The following ST7 variants were observed in gnomAD, a reference collection of about 807,000 sequenced individuals.
ST7 encodes suppressor of tumorigenicity 7 protein.
Under a neutral mutation model 78.7 loss-of-function variants are expected in ST7, and 28 were observed. The observed-to-expected ratio is 0.36, with a 90% CI of 0.26 to 0.49. ST7 has a LOEUF of 0.49. ST7 is among the 20% of genes least tolerant of loss of function. The pLI is 0.99. For synonymous variants in ST7, 247 were observed against 249.6 expected, an observed-to-expected ratio of 0.99 and a Z score of 0.10; for missense variants, 418 against 696.0, an observed-to-expected ratio of 0.60 and a Z score of 4.49.
chr7:117,020,589 G>A, intron 1 of ST7: 1 of 1,546,780 alleles, frequency 6.5e-7, no homozygotes, highest in Non-Finnish European at 8.7e-7. Flanking sequence ...TTTTTAAAAA[G>A]CAGCCTCTGG....
At chr7:117,016,096 A>G (rs1351587885) in intron 1 of ST7, among the ~76,000 whole-genome samples, 1 of 152,198 alleles carries the variant, frequency 6.6e-6, no homozygotes, top group Non-Finnish European at 1.5e-5. Flanking sequence ...TTGAAGATAA[A>G]ACATTTTAAA....
intron 1 of ST7, chr7:117,072,121 A>T (rs1799004298): frequency 6.6e-6 from 1 of 152,246 alleles, no homozygotes; most frequent in African/African-American, 2.4e-5. Flanking sequence ...TTTCAACTTC[A>T]CATTTCCTAG....
chr7:117,006,719 G>T (rs1197499293), intron 1 of ST7, among the ~76,000 whole-genome samples: 1 of 152,130 alleles, frequency 6.6e-6, no homozygotes. Context: ...AAGGTTTGTG[G>T]CAACCCTGCA....
intron 15 of ST7, chr7:117,222,896 C>T: frequency 6.2e-7 from 1 of 1,614,130 alleles, no homozygotes; most frequent in South Asian, 1.1e-5. Context: ...AGTTCAGGGA[C>T]TGGAATTGCA....
chr7:117,180,374 G>A (rs1327946886), intron 10 of ST7, among the ~76,000 whole-genome samples: 1 of 152,188 alleles, frequency 6.6e-6, no homozygotes, highest in Non-Finnish European at 1.5e-5. Flanking sequence ...TAGAGGACAT[G>A]ATGCGAATGC....
chr7:117,124,272 A>C (rs1309309939), intron 3 of ST7, among the ~76,000 whole-genome samples: 1 of 152,114 alleles, frequency 6.6e-6, no homozygotes, highest in Non-Finnish European at 1.5e-5. Context: ...AGTGTCTGCT[A>C]TCAGCTTTAT....
At position 116,998,824 on chromosome 7, in the gene ST7, G is replaced by A. The variant is rs866683749; in HGVS notation, c.151+45133G>A. ...AGGGAGCTGTGATAGAGAATAATGG[G>A]CATATATTGAACTTAAGTGGTCAGG... On this transcript the variant is annotated intron_variant, in intron 1 of 15. Coordinates refer to ENST00000323984, the MANE Select transcript of ST7 (RefSeq NM_001369598.1). 5.9e-5 allele frequency among the ~76,000 whole-genome samples: 9 copies of A among 152,162 alleles called. No homozygotes were observed. The South Asian group carries it at 1.9e-3, about 32-fold the overall frequency.
At chr7:117,183,096 G>T (rs1808911715) in intron 10 of ST7, among the ~76,000 whole-genome samples, 1 of 150,886 alleles carries the variant, frequency 6.6e-6, no homozygotes, top group South Asian at 2.1e-4. Flanking sequence ...AAGATTTTAG[G>T]TTTTTTTGTT....
At chr7:116,970,190 G>A (rs1381205434) in intron 1 of ST7, among the ~76,000 whole-genome samples, 1 of 152,212 alleles carries the variant, frequency 6.6e-6, no homozygotes, top group Non-Finnish European at 1.5e-5. Context: ...CTGACGTGGA[G>A]AGGGTGGAAC....
Position 116,982,998 on chromosome 7 carries a change from A to C in ST7, c.151+29307A>C, listed in dbSNP as rs564046030. ...ACTGCAACCTCCGCCTCCCAGGTTCAAGCGATTCTCCTGCCTGAGCCTCCC... is the reference window on the plus strand; with the variant it reads ...ACTGCAACCTCCGCCTCCCAGGTTCCAGCGATTCTCCTGCCTGAGCCTCCC... On this transcript the variant is annotated intron_variant, in intron 1 of 15. Transcript: ENST00000323984. 5.9e-5 allele frequency among the ~76,000 whole-genome samples: 9 copies of C among 152,300 alleles called. No homozygotes were observed. The South Asian group carries it at 1.9e-3, about 32-fold the overall frequency.
intron 1 of ST7, among the ~76,000 whole-genome samples, chr7:116,987,128 G>A (rs1794223736): frequency 6.6e-6 from 1 of 152,084 alleles, no homozygotes; most frequent in Admixed American, 6.6e-5. Context: ...TTTTCTTCTG[G>A]CAGACAAAGT....
At chr7:117,079,749 G>A (rs1343463815) in intron 1 of ST7, among the ~76,000 whole-genome samples, 1 of 151,936 alleles carries the variant, frequency 6.6e-6, no homozygotes, top group Non-Finnish European at 1.5e-5. Context: ...AGAGAAAATG[G>A]AAAAAGTGTG....
intron 1 of ST7, among the ~76,000 whole-genome samples, chr7:117,081,715 A>C (rs1799792460): frequency 1.3e-5 from 2 of 152,318 alleles, no homozygotes; most frequent in South Asian, 4.1e-4. Context: ...AATGAGTTTC[A>C]TTTCTAGCTA....
chr7:117,085,406 G>A (rs956285947), intron 1 of ST7, among the ~76,000 whole-genome samples: 5 of 152,034 alleles, frequency 3.3e-5, no homozygotes, highest in African/African-American at 9.7e-5. Context: ...CCAGTTTTGG[G>A]GAGACATTTA....
chr7:117,180,432 C>T (rs904227801), intron 10 of ST7, among the ~76,000 whole-genome samples: 23 of 152,206 alleles, frequency 1.5e-4, no homozygotes, highest in African/African-American at 4.6e-4. Context: ...AAAATTCCTG[C>T]CTTGTTGATA....
At chr7:117,205,575 C>T (rs78169909) in intron 12 of ST7, among the ~76,000 whole-genome samples, 2 of 152,174 alleles carry the variant, frequency 1.3e-5, no homozygotes, top group African/African-American at 4.8e-5. Flanking sequence ...GCAAAAAGCA[C>T]TTTAGCAGCC....
chr7:117,103,611 A>G (rs1010322441), intron 2 of ST7, among the ~76,000 whole-genome samples: 4 of 146,472 alleles, frequency 2.7e-5, no homozygotes, highest in African/African-American at 9.7e-5. Flanking sequence ...AAATGGATTA[A>G]ATACTTAAAT....
At chr7:116,958,162 A>ATTTTTTT (rs34132237) in intron 1 of ST7, among the ~76,000 whole-genome samples, 16 of 95,630 alleles carry the variant, frequency 1.7e-4, no homozygotes, top group African/African-American at 2.1e-4. Flanking sequence ...TGCGTGGCTA[A>ATTTTTTT]TTTTTTTTTT....
At chr7:117,008,064 A>G (rs1795228285) in intron 1 of ST7, among the ~76,000 whole-genome samples, 1 of 152,208 alleles carries the variant, frequency 6.6e-6, no homozygotes, top group Non-Finnish European at 1.5e-5. Context: ...CCAGAGACAA[A>G]AAAGCAGAGA....
Sources: gnomAD v4.1 joint callset for allele counts (sites outside exome capture counted in the v4.1 genomes callset) on GRCh38, gnomAD v4.1.1 for gene constraint, MANE v1.5 for transcripts, NCBI Gene and HGNC (gene_info 2026-07-23, HGNC 2026-07-21) for gene names.